The following ARID5A variants were observed in gnomAD, a reference collection of about 807,000 sequenced individuals.
ARID5A encodes AT-rich interaction domain 5A, also known as AT-rich interactive domain-containing protein 5A.
ARID5A carries 14 observed loss-of-function variants against 30.5 expected under a neutral mutation model. That is an observed-to-expected ratio of 0.46 (90% confidence interval 0.30 to 0.72). The LOEUF is 0.72. Among genes scored for constraint, ARID5A ranks in the 30% least tolerant of loss-of-function variants. ARID5A has a pLI of 0.07. For synonymous variants in ARID5A, 338 were observed against 340.4 expected, an observed-to-expected ratio of 0.99 and a Z score of 0.08; for missense variants, 669 against 786.2, an observed-to-expected ratio of 0.85 and a Z score of 1.78.
Position 96,536,798 on chromosome 2 carries a change from G to T in ARID5A, c.-29G>T. 8.1e-7 allele frequency: 1 copy of T among 1,227,388 alleles called. No homozygotes were observed. The highest frequency in any genetic ancestry group is 1.6e-5 in the African/African-American group (1 of 64,266). 76.0% of individuals were successfully genotyped at this position (1,227,388 alleles called of 1,614,324 possible). A position where few individuals can be genotyped will look rare whatever the true frequency, so the allele number is the denominator to read the frequency against. ...GGACAGCCGCGCGCTGAGGGTCTCG[G>T]GGCGGGCGCCGCGGGACCTCTCCGG... On this transcript the variant is annotated 5_prime_UTR_variant, in exon 1 of 7. Transcript: ENST00000357485.
rs2065998283 is a variant in ARID5A at position 96,549,999 on chromosome 2, C to T, written c.313-189C>T. ...GCCTTCCCCATCTGTTCTGCCCGCCCCGTGTTGGGAAAACTGCTTGGGCCA... is the reference window on the plus strand; with the variant it reads ...GCCTTCCCCATCTGTTCTGCCCGCCTCGTGTTGGGAAAACTGCTTGGGCCA... On this transcript the variant is annotated intron_variant, in intron 4 of 6. Transcript: ENST00000357485. The surrounding 1 kb of genome is among the most constrained non-coding windows in gnomAD (Gnocchi z 6.1). 1 of 1,534,328 alleles carries T rather than the reference C, an allele frequency of 6.5e-7. No homozygotes were observed. Among genetic ancestry groups the T allele is most frequent in the South Asian group, 1.2e-5 (1 of 82,992 alleles).
At chr2:96,541,892 G>C (rs1244373929) in intron 1 of ARID5A, among the ~76,000 whole-genome samples, 2 of 152,224 alleles carry the variant, frequency 1.3e-5, no homozygotes, top group African/African-American at 2.4e-5. Context: ...GCAGCTATCA[G>C]GGGCAAGTGG....
At position 96,541,780 on chromosome 2, in the gene ARID5A, C is replaced by G. The variant is rs116169733; in HGVS notation, c.4+4950C>G. On this transcript the variant is annotated intron_variant, in intron 1 of 6. Coordinates refer to ENST00000357485, the MANE Select transcript of ARID5A (RefSeq NM_212481.3). ...GTTTTCTTTTTTGCATTTGATCCCC[C>G]ACTTCTGTTACAAATAAAACATGTA... Among the ~76,000 whole-genome samples, 104 of 152,246 alleles carry G rather than the reference C, an allele frequency of 6.8e-4. 2 individuals carry two copies. Among genetic ancestry groups the G allele is most frequent in the Admixed American group, 6.8e-3 (104 of 15,288 alleles).
chr2:96,550,121 C>T lies in ARID5A; in HGVS notation c.313-67C>T, dbSNP rs765782278. On this transcript the variant is annotated intron_variant, in intron 4 of 6. Transcript: ENST00000357485. The surrounding 1 kb of genome is among the most constrained non-coding windows in gnomAD (Gnocchi z 6.6). ...TCCTTCGAGTCCCTGCGAGGGCGGC[C>T]GGAGCTGCAAGGACCCCGCCGCCAG... The T allele has an allele frequency of 2.6e-6, 4 of 1,531,812 alleles. No individual in the cohort carries two copies. The highest frequency in any genetic ancestry group is 2.7e-5 in the African/African-American group (2 of 72,776). The allele number at this position is 1,531,812 out of a possible 1,614,324, so 94.9% of individuals were successfully genotyped here. A position where few individuals can be genotyped will look rare whatever the true frequency, so the allele number is the denominator to read the frequency against.
intron 1 of ARID5A, among the ~76,000 whole-genome samples, chr2:96,540,034 G>A (rs1467932449): frequency 6.6e-6 from 1 of 152,192 alleles, no homozygotes; most frequent in Non-Finnish European, 1.5e-5. Context: ...GTGGCCCCAG[G>A]CAAGTTACTG....
Position 96,550,943 on chromosome 2 carries a change from G to A in ARID5A, c.571-156G>A, listed in dbSNP as rs891691341. Among the ~76,000 whole-genome samples, 1 of 152,206 alleles carries A rather than the reference G, an allele frequency of 6.6e-6. No individual in the cohort carries two copies. The highest frequency in any genetic ancestry group is 2.4e-5 in the African/African-American group (1 of 41,448). On this transcript the variant is annotated intron_variant, in intron 6 of 6. Coordinates refer to ENST00000357485, the MANE Select transcript of ARID5A (RefSeq NM_212481.3). This position sits in a 1 kb window ranked among gnomAD's most constrained non-coding sequence, Gnocchi z 6.6. ...CCACCCACCAGGCACCTGAGGCTGT[G>A]TCCACTCAGAGGACAGGGCACCTTT...
In ARID5A at chr2:96,550,194, G is replaced by A. The variant is rs1346612492; in HGVS notation, c.319G>A (p.Gly107Arg). 5.2e-6 allele frequency: 8 copies of A among 1,534,548 alleles called. No individual in the cohort carries two copies. The highest frequency in any genetic ancestry group is 2.0e-5 in the Admixed American group (1 of 49,936). Residue 107 changes from glycine to arginine, a missense_variant, in exon 5 of 7, where the codon GGG becomes AGG. Transcript: ENST00000357485. This position sits in a 1 kb window ranked among gnomAD's most constrained non-coding sequence, Gnocchi z 6.6. Reference protein sequence around the residue: ...EKLGAYELVTGRRLWKNVYDE... With the variant: ...EKLGAYELVTRRRLWKNVYDE... The stretch of plus-strand genomic sequence containing the variant: ...TCACGAGGTGCCCTTGCAGGTGACC[G>A]GGCGCCGCCTCTGGAAGAACGTGTA...
chr2:96,548,810 C>T (rs894606286), intron 2 of ARID5A, among the ~76,000 whole-genome samples: 1 of 152,246 alleles, frequency 6.6e-6, no homozygotes, highest in Non-Finnish European at 1.5e-5. Context: ...CTCAGCACGG[C>T]AGGCTGGGGC....
intron 2 of ARID5A, among the ~76,000 whole-genome samples, chr2:96,547,828 A>T (rs1303198694): frequency 6.6e-6 from 1 of 152,266 alleles, no homozygotes; most frequent in Non-Finnish European, 1.5e-5. Context: ...ACATGGGCGT[A>T]TAAAGTCACT....
Position 96,536,791 on chromosome 2 carries a change from G to T in ARID5A, c.-36G>T. 8.1e-7 allele frequency: 1 copy of T among 1,227,174 alleles called. No individual in the cohort carries two copies. The highest frequency in any genetic ancestry group is 1.0e-6 in the Non-Finnish European group (1 of 984,912). 76.0% of individuals were successfully genotyped at this position (1,227,174 alleles called of 1,614,324 possible). A position where few individuals can be genotyped will look rare whatever the true frequency, so the allele number is the denominator to read the frequency against. On this transcript the variant is annotated 5_prime_UTR_variant, in exon 1 of 7. Transcript: ENST00000357485. ...GGGGTCCGGACAGCCGCGCGCTGAG[G>T]GTCTCGGGGCGGGCGCCGCGGGACC...
At chr2:96,547,840 G>C (rs1350252275) in intron 2 of ARID5A, among the ~76,000 whole-genome samples, 1 of 152,192 alleles carries the variant, frequency 6.6e-6, no homozygotes. Context: ...AAAGTCACTC[G>C]GTGAGACCAG....
At chr2:96,546,259 G>A (rs2065926252) in intron 1 of ARID5A, among the ~76,000 whole-genome samples, 1 of 152,210 alleles carries the variant, frequency 6.6e-6, no homozygotes, top group Admixed American at 6.5e-5. Context: ...AGGATGTCCT[G>A]GGAGGGAGTG....
rs2065772234 is a variant in ARID5A at position 96,537,981 on chromosome 2, G to A, written c.4+1151G>A. The A allele has an allele frequency of 6.1e-6, 6 of 985,494 alleles. No homozygotes were observed. The highest frequency in any genetic ancestry group is 6.0e-6 in the Non-Finnish European group (5 of 829,968). The allele number at this position is 985,494 out of a possible 1,614,324, so 61.0% of individuals were successfully genotyped here. On this transcript the variant is annotated intron_variant, in intron 1 of 6. Transcript: ENST00000357485. This position sits in a 1 kb window ranked among gnomAD's most constrained non-coding sequence, Gnocchi z 4.8. ...GGTGGGAGCCCACACGCACGGTGGCGTCACTGCGCCTACAGGCAACGCTAG... is the reference window on the plus strand; with the variant it reads ...GGTGGGAGCCCACACGCACGGTGGCATCACTGCGCCTACAGGCAACGCTAG...
rs760059018 is a variant in ARID5A at position 96,550,093 on chromosome 2, C to T, written c.313-95C>T. On this transcript the variant is annotated intron_variant, in intron 4 of 6. Transcript: ENST00000357485. This position sits in a 1 kb window ranked among gnomAD's most constrained non-coding sequence, Gnocchi z 6.6. The stretch of plus-strand genomic sequence containing the variant: ...GAGCCGCAGAGCAGCTGCCAAACTG[C>T]AGTCCTTCGAGTCCCTGCGAGGGCG... 5.1e-5 allele frequency: 78 copies of T among 1,531,884 alleles called. No homozygotes were observed. The highest frequency in any genetic ancestry group is 1.7e-5 in the Non-Finnish European group (19 of 1,144,976). 94.9% of individuals were successfully genotyped at this position (1,531,884 alleles called of 1,614,324 possible). A position where few individuals can be genotyped will look rare whatever the true frequency, so the allele number is the denominator to read the frequency against.
Position 96,536,773 on chromosome 2 carries a change from G to T in ARID5A, c.-54G>T. On this transcript the variant is annotated 5_prime_UTR_variant, in exon 1 of 7. Transcript: ENST00000357485. Reference sequence around the variant, plus strand: ...CAGTATCTCAGAGAGCGCGGGGTCCGGACAGCCGCGCGCTGAGGGTCTCGG... The same window carrying T: ...CAGTATCTCAGAGAGCGCGGGGTCCTGACAGCCGCGCGCTGAGGGTCTCGG... 1 of 1,216,320 alleles carries T rather than the reference G, an allele frequency of 8.2e-7. No individual in the cohort carries two copies. 75.3% of individuals were successfully genotyped at this position (1,216,320 alleles called of 1,614,324 possible).
Position 96,537,968 on chromosome 2 carries a change from C to T in ARID5A, c.4+1138C>T, listed in dbSNP as rs2065771845. ...CCCGGGCTCCTCTGGTGGGAGCCCA[C>T]ACGCACGGTGGCGTCACTGCGCCTA... On this transcript the variant is annotated intron_variant, in intron 1 of 6. Transcript: ENST00000357485. The surrounding 1 kb of genome is among the most constrained non-coding windows in gnomAD (Gnocchi z 4.8). The T allele has an allele frequency of 8.1e-6, 8 of 985,450 alleles. No homozygotes were observed. Among genetic ancestry groups the T allele is most frequent in the Non-Finnish European group, 6.0e-6 (5 of 830,044 alleles). The allele number at this position is 985,450 out of a possible 1,614,324, so 61.0% of individuals were successfully genotyped here. A position where few individuals can be genotyped will look rare whatever the true frequency, so the allele number is the denominator to read the frequency against.
rs1453133396 is a variant in ARID5A, at chr2:96,537,141, G to T, written c.4+311G>T. Among the ~76,000 whole-genome samples the T allele has an allele frequency of 6.6e-6, 1 of 152,198 alleles. No individual in the cohort carries two copies. The highest frequency in any genetic ancestry group is 2.4e-5 in the African/African-American group (1 of 41,458). On this transcript the variant is annotated intron_variant, in intron 1 of 6. Transcript: ENST00000357485. The surrounding 1 kb of genome is among the most constrained non-coding windows in gnomAD (Gnocchi z 4.8). ...CTCGAAACTCTTTTCGCCGTCTCTT[G>T]CCTGAAATATGCCGAGCCCGGTACG...
At chr2:96,536,861 G>A in intron 1 of ARID5A, 31 bp downstream of exon 1, 1 of 1,225,858 alleles carries the variant, frequency 8.2e-7, no homozygotes. Flanking sequence ...GCCCGGACAG[G>A]GGCTCGGCGG....
At position 96,551,197 on chromosome 2, in the gene ARID5A, T is replaced by G. The variant is rs752593812; in HGVS notation, c.669T>G (p.Ser223=). 1 of 1,614,010 alleles carries G rather than the reference T, an allele frequency of 6.2e-7. No homozygotes were observed. Among genetic ancestry groups the G allele is most frequent in the Non-Finnish European group, 8.5e-7 (1 of 1,179,994 alleles). ...RNSTEQQGLA[S]GSSVSFVGAS... ...GCACAGAACAGCAGGGCCTGGCCTCTGGGTCTTCTGTGTCCTTTGTGGGTG... is the reference window on the plus strand; with the variant it reads ...GCACAGAACAGCAGGGCCTGGCCTCGGGGTCTTCTGTGTCCTTTGTGGGTG... Residue 223 remains serine, a synonymous_variant, in exon 7 of 7, where the codon TCT becomes TCG. Transcript: ENST00000357485.
Sources: gnomAD v4.1 joint callset for allele counts (sites outside exome capture counted in the v4.1 genomes callset) on GRCh38, gnomAD v4.1.1 for gene constraint, Gnocchi (gnomAD v3.1) non-coding constraint, MANE v1.5 for transcripts, NCBI Gene and HGNC (gene_info 2026-07-23, HGNC 2026-07-21) for gene names.